COL11A1: variants seen among roughly 807,000 people sequenced by gnomAD.
COL11A1 encodes collagen type XI alpha 1 chain.
COL11A1 carries 74 observed loss-of-function variants against 265.2 expected under a neutral mutation model. The observed-to-expected ratio is 0.28, with a 90% confidence interval of 0.23 to 0.34. The LOEUF (loss-of-function observed/expected upper bound fraction) is 0.34, where lower values mean the gene tolerates loss of function less well. COL11A1 is among the 10% of genes least tolerant of loss of function. The pLI is 1.00. For missense variants in COL11A1, 2,165 were observed against 2,263.6 expected (o/e 0.96, Z 0.88); for synonymous variants, 816 against 727.6 (o/e 1.12, Z -1.96).
intron 46 of COL11A1, among the ~76,000 whole-genome samples, chr1:102,929,667 G>A (rs1157073007): frequency 2.0e-5 from 3 of 152,060 alleles, no homozygotes; most frequent in Admixed American, 2.0e-4. Context: ...CATTGAATCT[G>A]TAAATTACCT....
At chr1:102,900,234 G>A (rs2100934426) in intron 54 of COL11A1, among the ~76,000 whole-genome samples, 1 of 151,788 alleles carries the variant, frequency 6.6e-6, no homozygotes, top group African/African-American at 2.4e-5. Context: ...AAATTCTATG[G>A]GTAATCTCTT....
chr1:102,985,071 T>C (rs1663405704), intron 30 of COL11A1, among the ~76,000 whole-genome samples: 2 of 152,030 alleles, frequency 1.3e-5, no homozygotes, highest in South Asian at 2.1e-4. Context: ...AAAATATGTA[T>C]GTGGAATTTT....
intron 52 of COL11A1, 68 bp from the exon 53 acceptor site, chr1:102,913,758 A>C: frequency 7.2e-7 from 1 of 1,386,292 alleles, no homozygotes; most frequent in Non-Finnish European, 1.0e-6. Context: ...ACTTATCAGG[A>C]AAAAAGTATG....
rs76489957 is a variant in COL11A1, at chr1:102,936,959, A to G, written c.3439-1846T>C. 8.9e-3 allele frequency among the ~76,000 whole-genome samples: 1,353 copies of G among 152,232 alleles called. 20 individuals are homozygous for G. Among genetic ancestry groups the G allele is most frequent in the African/African-American group, 0.031 (1,290 of 41,538 alleles). On this transcript the variant is annotated intron_variant, in intron 44 of 66. Coordinates refer to ENST00000370096, the MANE Select transcript of COL11A1 (RefSeq NM_001854.4). ...TTAGATTTTCTTCATGCTTTCAACC[A>G]AAAAAACATGTCACCACAGGCTGAA...
At chr1:102,971,010 A>C in intron 36 of COL11A1, among the ~76,000 whole-genome samples, 1 of 32,628 alleles carries the variant, frequency 3.1e-5, no homozygotes, top group African/African-American at 8.5e-5. Flanking sequence ...AAAAACAAAA[A>C]ACAAAACAAA....
At chr1:103,003,118 A>G in intron 21 of COL11A1, 97 bp downstream of exon 21, 1 of 1,235,090 alleles carries the variant, frequency 8.1e-7, no homozygotes, top group Non-Finnish European at 1.2e-6. Context: ...TAACAAGGCA[A>G]TAAACTCTTG....
rs780877185 is a variant in COL11A1 at position 102,914,691 on chromosome 1, C to T, written c.3924+13G>A. 1.9e-6 allele frequency: 3 copies of T among 1,603,726 alleles called. No individual in the cohort carries two copies. Among genetic ancestry groups the T allele is most frequent in the East Asian group, 4.5e-5 (2 of 44,796 alleles). On this transcript the variant is annotated intron_variant, in intron 51 of 66. Coordinates refer to ENST00000370096, the MANE Select transcript of COL11A1 (RefSeq NM_001854.4). ...GCATAAATGCCACATTAGAGGGGACCAAACTCACTTACCGGGTTACCCTTA... is the reference window on the plus strand; with the variant it reads ...GCATAAATGCCACATTAGAGGGGACTAAACTCACTTACCGGGTTACCCTTA...
At chr1:102,972,877 G>GT (rs1208819120) in intron 36 of COL11A1, among the ~76,000 whole-genome samples, 1 of 151,870 alleles carries the variant, frequency 6.6e-6, no homozygotes, top group East Asian at 1.9e-4. Flanking sequence ...AAGTTAATGT[G>GT]TTTTTTAAAT....
At chr1:103,098,219 G>T (rs1230096607) in intron 1 of COL11A1, among the ~76,000 whole-genome samples, 2 of 151,896 alleles carry the variant, frequency 1.3e-5, no homozygotes, top group East Asian at 3.9e-4. Context: ...ATTGTAATTA[G>T]TTGATCTCCT....
intron 1 of COL11A1, among the ~76,000 whole-genome samples, chr1:103,107,124 G>T (rs917621512): frequency 9.2e-5 from 14 of 152,160 alleles, no homozygotes; most frequent in African/African-American, 3.4e-4. Flanking sequence ...GGGGGAAAGA[G>T]GGAGGGAGAA....
Position 103,108,115 on chromosome 1 carries a change from G to A in COL11A1, c.64C>T (p.Leu22Phe), listed in dbSNP as rs1327862186. 8.1e-6 allele frequency: 13 copies of A among 1,613,748 alleles called. No homozygotes were observed. The highest frequency in any genetic ancestry group is 1.0e-5 in the Non-Finnish European group (12 of 1,180,004). The change falls in exon 1 of 67, where the codon CTC (leucine) becomes TTC (phenylalanine). Residue 22 changes from leucine to phenylalanine, a missense_variant. Leu to Phe is a conservative substitution (Grantham distance 22, BLOSUM62 0). Coordinates refer to ENST00000370096, the MANE Select transcript of COL11A1 (RefSeq NM_001854.4). ...GCTTGGAAGAGGAAGGTCAATGCGA[G>A]GGTTGTTACGGTGAAATCCCAGAGC... ...RWLWDFTVTT[L>F]ALTFLFQARE...
intron 47 of COL11A1, among the ~76,000 whole-genome samples, chr1:102,921,813 G>C (rs1188389530): frequency 6.6e-6 from 1 of 152,152 alleles, no homozygotes; most frequent in Non-Finnish European, 1.5e-5. Flanking sequence ...AATGGGCCAA[G>C]AAAGCCTATT....
chr1:102,911,935 G>T (rs562374518), intron 54 of COL11A1, among the ~76,000 whole-genome samples: 1 of 152,292 alleles, frequency 6.6e-6, no homozygotes, highest in South Asian at 2.1e-4. Context: ...GGAGTGGAAA[G>T]CTCTTTAAGT....
Position 103,078,703 on chromosome 1 carries a change from G to A in COL11A1, c.443C>T (p.Pro148Leu). The stretch of plus-strand genomic sequence containing the variant: ...AGTTCTGAAGAGGGGATAGTCTTCT[G>A]GGGCAGGTTTTCCAGTGTGGTCTTC... Reference protein sequence around the residue: ...LFEDHTGKPAPEDYPLFRTVN... With the variant: ...LFEDHTGKPALEDYPLFRTVN... Residue 148 changes from proline (P) to leucine (L), a missense_variant, in exon 3 of 67, where the codon CCA becomes CTA. Pro to Leu is a moderately conservative substitution (Grantham distance 98, BLOSUM62 -3). Transcript: ENST00000370096. The A allele has an allele frequency of 1.9e-6, 3 of 1,613,420 alleles. No homozygotes were observed. Among genetic ancestry groups the A allele is most frequent in the Non-Finnish European group, 2.5e-6 (3 of 1,179,618 alleles).
rs139623515 is a variant in COL11A1 at position 102,930,962 on chromosome 1, G to T, written c.3600+3487C>A. ...TATCCCCTTTATCATTTTTTATTGC[G>T]TCTATTTGATTCTTCTCTCTTTTTT... On this transcript the variant is annotated intron_variant, in intron 46 of 66. Coordinates refer to ENST00000370096, the MANE Select transcript of COL11A1 (RefSeq NM_001854.4). 8.2e-5 allele frequency among the ~76,000 whole-genome samples: 12 copies of T among 145,566 alleles called. No individual in the cohort carries two copies. In the East Asian group the frequency reaches 8.4e-4, roughly 10 times the overall value.
In COL11A1 at chr1:103,059,412, T is replaced by TAA. The variant is rs113458421; in HGVS notation, c.651+15204_651+15205dup. Among the ~76,000 whole-genome samples the TAA allele has an allele frequency of 1.8e-3, 271 of 150,894 alleles. 1 individual carries two copies. Among genetic ancestry groups the TAA allele is most frequent in the African/African-American group, 5.9e-3 (240 of 41,004 alleles). ...TACCAACACATAGCTAAGGGCTTAT[T>TAA]AAAAAAAAACAAAACATAGTTTCTT... On this transcript the variant is annotated intron_variant, in intron 4 of 66. Transcript: ENST00000370096.
At chr1:102,935,242 A>G (rs1340306275) in intron 44 of COL11A1, 129 bp from the exon 45 acceptor site, 2 of 723,718 alleles carry the variant, frequency 2.8e-6, no homozygotes, top group African/African-American at 3.6e-5. Context: ...AGCATCACAT[A>G]GAATTATTTT....
intron 46 of COL11A1, among the ~76,000 whole-genome samples, chr1:102,926,309 GC>G (rs1656592954): frequency 6.6e-6 from 1 of 152,012 alleles, no homozygotes; most frequent in Admixed American, 6.6e-5. Context: ...TAAAATCATT[GC>G]CACTTAAATG....
intron 2 of COL11A1, among the ~76,000 whole-genome samples, chr1:103,081,717 T>A (rs981991259): frequency 6.6e-6 from 1 of 151,970 alleles, no homozygotes; most frequent in African/African-American, 2.4e-5. Flanking sequence ...CAGTTTCATA[T>A]GAAGATAGGA....
Sources: gnomAD v4.1 joint callset for allele counts (sites outside exome capture counted in the v4.1 genomes callset) on GRCh38, gnomAD v4.1.1 for gene constraint, MANE v1.5 for transcripts, NCBI Gene and HGNC (gene_info 2026-07-23, HGNC 2026-07-21) for gene names.